The following LRRN3 variants were observed in gnomAD, a reference collection of about 807,000 sequenced individuals.
LRRN3 encodes the protein leucine rich repeat neuronal 3, also known as leucine-rich repeat neuronal protein 3.
Under a neutral mutation model 40.1 loss-of-function variants are expected in LRRN3, and 15 were observed. The observed-to-expected ratio is 0.37, with a 90% CI of 0.25 to 0.58. The LOEUF (loss-of-function observed/expected upper bound fraction) is 0.58. Among genes scored for constraint, LRRN3 ranks in the 20% least tolerant of loss-of-function variants. The pLI is 0.72. For missense variants in LRRN3, 746 were observed against 837.7 expected, an observed-to-expected ratio of 0.89 and a Z score of 1.35; for synonymous variants, 308 against 297.2, an observed-to-expected ratio of 1.04 and a Z score of -0.37.
At chr7:111,107,343 A>C (rs549767277) in intron 2 of LRRN3, among the ~76,000 whole-genome samples, 1 of 152,188 alleles carries the variant, frequency 6.6e-6, no homozygotes, top group Non-Finnish European at 1.5e-5. Flanking sequence ...CAGGTAGAAA[A>C]TTCCTTTCAA....
In LRRN3 at chr7:111,115,044, T is replaced by C. The variant is rs373679294; in HGVS notation, c.-358-7371T>C. On this transcript the variant is annotated intron_variant, in intron 2 of 2. Transcript: ENST00000308478. ...GGAAAACAAGATGATTATACTTCAA[T>C]CTAAGATGAGTGAATATTAAGGATA... Among the ~76,000 whole-genome samples the C allele has an allele frequency of 1.4e-4, 22 of 152,226 alleles. 2 individuals are homozygous for C. In the East Asian group the frequency reaches 1.9e-3, roughly 13 times the overall value.
chr7:111,105,165 C>A (rs988798044), intron 2 of LRRN3, among the ~76,000 whole-genome samples: 1 of 151,738 alleles, frequency 6.6e-6, no homozygotes, highest in Non-Finnish European at 1.5e-5. Context: ...AACCACAAAA[C>A]CTTTGAAGTG....
At chr7:111,111,989 C>A (rs1294289208) in intron 2 of LRRN3, among the ~76,000 whole-genome samples, 4 of 134,232 alleles carry the variant, frequency 3.0e-5, no homozygotes, top group Non-Finnish European at 4.6e-5. Context: ...GCTCTGTCTC[C>A]CAGGCTGGAG....
Position 111,123,991 on chromosome 7 carries a change from G to A in LRRN3, c.1219G>A (p.Val407Ile). The change falls in exon 3 of 3, where the codon GTT becomes ATT. Residue 407 changes from valine to isoleucine, a missense_variant. Physicochemically the swap from Val to Ile is conservative, Grantham distance 29 (BLOSUM62 3). Transcript: ENST00000308478. The surrounding 1 kb of genome is among the most constrained non-coding windows in gnomAD (Gnocchi z 6.4). ...CCCACCTGAATTCCAAGGTCAGAAT[G>A]TTCGGCAAGTGCATTTCAGGGACAT... ...VDPPEFQGQN[V>I]RQVHFRDMME... 6.2e-7 allele frequency: 1 copy of A among 1,614,042 alleles called. No homozygotes were observed. The highest frequency in any genetic ancestry group is 1.1e-5 in the South Asian group (1 of 91,072).
chr7:111,114,475 C>G (rs932711331), intron 2 of LRRN3, among the ~76,000 whole-genome samples: 1 of 152,132 alleles, frequency 6.6e-6, no homozygotes, highest in African/African-American at 2.4e-5. Flanking sequence ...CAGTGACCCA[C>G]ACCTGTAATC....
chr7:111,101,589 T>C (rs532253740), intron 2 of LRRN3, among the ~76,000 whole-genome samples: 1 of 151,466 alleles, frequency 6.6e-6, no homozygotes, highest in Non-Finnish European at 1.5e-5. Context: ...TAATACAGAA[T>C]ATACATAGGT....
At chr7:111,113,775 A>C (rs893154960) in intron 2 of LRRN3, among the ~76,000 whole-genome samples, 1 of 152,158 alleles carries the variant, frequency 6.6e-6, no homozygotes, top group African/African-American at 2.4e-5. Flanking sequence ...CTGTCATTCA[A>C]GCAGGGGAAT....
intron 1 of LRRN3, among the ~76,000 whole-genome samples, chr7:111,093,790 G>C (rs1214620617): frequency 6.6e-6 from 1 of 152,134 alleles, no homozygotes; most frequent in Non-Finnish European, 1.5e-5. Context: ...TGTATGACTG[G>C]AAGATTTACC....
intron 2 of LRRN3, among the ~76,000 whole-genome samples, chr7:111,101,427 GTGAGAGTAA>G (rs1797962366): frequency 6.6e-6 from 1 of 151,426 alleles, no homozygotes; most frequent in African/African-American, 2.4e-5. Flanking sequence ...CTCAGAATCT[GTGAGAGTAA>G]CACCTAAGAA....
intron 2 of LRRN3, among the ~76,000 whole-genome samples, chr7:111,107,176 C>T (rs200404359): frequency 3.8e-5 from 1 of 26,136 alleles, no homozygotes. Context: ...TTCCCCTTTC[C>T]CTCTCTCTCC....
At chr7:111,117,907 AAAG>A (rs1375182426) in intron 2 of LRRN3, among the ~76,000 whole-genome samples, 3 of 152,124 alleles carry the variant, frequency 2.0e-5, no homozygotes, top group Admixed American at 6.5e-5. Flanking sequence ...AATAAAGTGC[AAAG>A]AAGAAGGCAC....
At position 111,122,248 on chromosome 7, in the gene LRRN3, T is replaced by C. The variant is rs538048245; in HGVS notation, c.-358-167T>C. ...AAAAAAAAAGAATTATCAAGGACAG[T>C]CATGAAAAAGATAAAGTCACCAAAC... On this transcript the variant is annotated intron_variant, in intron 2 of 2. Transcript: ENST00000308478. 2.4e-4 allele frequency among the ~76,000 whole-genome samples: 36 copies of C among 152,142 alleles called. No homozygotes were observed. In the East Asian group the frequency reaches 7.0e-3, roughly 29 times the overall value.
chr7:111,109,182 T>C (rs915143474), intron 2 of LRRN3, among the ~76,000 whole-genome samples: 13 of 152,130 alleles, frequency 8.5e-5, no homozygotes, highest in African/African-American at 3.1e-4. Flanking sequence ...ATCTAGAATG[T>C]GTAAAACATT....
chr7:111,112,072 C>T (rs905211540), intron 2 of LRRN3, among the ~76,000 whole-genome samples: 19 of 150,780 alleles, frequency 1.3e-4, no homozygotes, highest in Non-Finnish European at 1.8e-4. Context: ...CTCAGCCTCC[C>T]GAGTAGCTGG....
chr7:111,124,673 G>A lies in LRRN3; in HGVS notation c.1901G>A (p.Gly634Glu). 6.2e-7 allele frequency: 1 copy of A among 1,613,804 alleles called. No individual in the cohort carries two copies. Among genetic ancestry groups the A allele is most frequent in the Admixed American group, 1.7e-5 (1 of 59,964 alleles). ...ACCACAACACTTATGGCCTGTCTTG[G>A]AGGCCTTCTGGGGATTATTGGTGTG... Reference protein sequence around the residue: ...NNTTTLMACLGGLLGIIGVIC... With the variant: ...NNTTTLMACLEGLLGIIGVIC... The change falls in exon 3 of 3, where the codon GGA becomes GAA. Residue 634 changes from glycine to glutamate, a missense_variant. By Grantham distance (98) the Gly-to-Glu change is moderately conservative (BLOSUM62 -2). Transcript: ENST00000308478.
intron 2 of LRRN3, among the ~76,000 whole-genome samples, chr7:111,121,152 T>C (rs1289738959): frequency 6.6e-6 from 1 of 152,214 alleles, no homozygotes; most frequent in African/African-American, 2.4e-5. Context: ...GCCCAATGCC[T>C]AGGCCAAGAA....
At position 111,124,305 on chromosome 7, in the gene LRRN3, C is replaced by A; in HGVS notation, c.1533C>A (p.Ile511=). Residue 511 remains isoleucine (I), a synonymous_variant, in exon 3 of 3, where the codon ATC becomes ATA. Coordinates refer to ENST00000308478, the MANE Select transcript of LRRN3 (RefSeq NM_001099658.2). ...LVGADLKSVM[I]KVDGSFPQDN... ...GCGCTGACTTGAAGTCTGTTATGATCAAAGTGGATGGATCTTTTCCACAAG... is the reference window on the plus strand; with the variant it reads ...GCGCTGACTTGAAGTCTGTTATGATAAAAGTGGATGGATCTTTTCCACAAG... 6.2e-7 allele frequency: 1 copy of A among 1,613,752 alleles called. No individual in the cohort carries two copies. Among genetic ancestry groups the A allele is most frequent in the Non-Finnish European group, 8.5e-7 (1 of 1,179,860 alleles).
rs781461228 is a variant in LRRN3, at chr7:111,124,929, G to GAA, written c.*31_*32dup. 5.0e-5 allele frequency: 50 copies of GAA among 1,008,570 alleles called. No individual in the cohort carries two copies. Among genetic ancestry groups the GAA allele is most frequent in the South Asian group, 2.8e-4 (8 of 28,534 alleles). The allele number at this position is 1,008,570 out of a possible 1,614,324, so 62.5% of individuals were successfully genotyped here. ...CACCAAGGAAACCTACTCCAAAAATGAACAAAAAAAAAAAAAGCGAAAGAC... is the reference window on the plus strand; with the variant it reads ...CACCAAGGAAACCTACTCCAAAAATGAAAACAAAAAAAAAAAAAGCGAAAGAC... On this transcript the variant is annotated 3_prime_UTR_variant, in exon 3 of 3. Transcript: ENST00000308478.
In LRRN3 at chr7:111,124,803, T is replaced by C. The variant is rs1462562706; in HGVS notation, c.2031T>C (p.Tyr677=). The C allele has an allele frequency of 2.5e-6, 4 of 1,613,098 alleles. No homozygotes were observed. The highest frequency in any genetic ancestry group is 3.4e-6 in the Non-Finnish European group (4 of 1,179,844). Residue 677 remains tyrosine (Y), a synonymous_variant, in exon 3 of 3, where the codon TAT becomes TAC. Transcript: ENST00000308478. ...CAACCTTTGCATTAGGTGAGCTTTA[T>C]CCTCCTCTGATAAATCTCTGGGAAG... The part of the protein sequence containing the change: ...QKPTFALGEL[Y]PPLINLWEAG...
Sources: gnomAD v4.1 joint callset for allele counts (sites outside exome capture counted in the v4.1 genomes callset) on GRCh38, gnomAD v4.1.1 for gene constraint, Gnocchi (gnomAD v3.1) non-coding constraint, MANE v1.5 for transcripts, NCBI Gene and HGNC (gene_info 2026-07-23, HGNC 2026-07-21) for gene names.